Variants in EPB41 observed in about 807,000 individuals in gnomAD.
EPB41 encodes erythrocyte membrane protein band 4.1, also known as protein 4.1.
EPB41 carries 65 observed loss-of-function variants against 108.0 expected under a neutral mutation model. The ratio of observed to expected loss-of-function variants is 0.60; its 90% CI spans 0.49 to 0.74. The LOEUF (loss-of-function observed/expected upper bound fraction) is 0.74. Ranked by LOEUF, EPB41 falls within the 30% of genes least tolerant of loss-of-function variation. The probability of loss-of-function intolerance (pLI) is 0.00; values close to 1 mark genes in which losing one functional copy is unlikely to be tolerated. For missense variants in EPB41, 875 were observed against 1,037.0 expected (o/e 0.84, Z 2.15); for synonymous variants, 336 against 358.9 (o/e 0.94, Z 0.72).
At chr1:28,972,843 A>G (rs1281753674) in intron 1 of EPB41, among the ~76,000 whole-genome samples, 4 of 152,074 alleles carry the variant, frequency 2.6e-5, no homozygotes, top group East Asian at 1.9e-4. Context: ...GGCTCAAGCA[A>G]TCCTCCCACC....
intron 10 of EPB41, among the ~76,000 whole-genome samples, chr1:29,038,648 C>T (rs1313101060): frequency 6.6e-6 from 1 of 152,144 alleles, no homozygotes; most frequent in Non-Finnish European, 1.5e-5. Flanking sequence ...TTCTTTACTC[C>T]TAGAGAATTC....
intron 1 of EPB41, among the ~76,000 whole-genome samples, chr1:28,960,201 G>T (rs2095145188): frequency 6.6e-6 from 1 of 150,970 alleles, no homozygotes; most frequent in Admixed American, 6.6e-5. Context: ...TAGAGGTGGG[G>T]CGTCTCATCA....
At chr1:28,899,600 C>T (rs1405846243) in intron 1 of EPB41, among the ~76,000 whole-genome samples, 1 of 152,134 alleles carries the variant, frequency 6.6e-6, no homozygotes, top group East Asian at 1.9e-4. Flanking sequence ...AACTTGGAAC[C>T]ATCCTCGGGA....
intron 11 of EPB41, among the ~76,000 whole-genome samples, chr1:29,048,188 A>C (rs1643864894): frequency 6.6e-6 from 1 of 152,022 alleles, no homozygotes; most frequent in East Asian, 1.9e-4. Flanking sequence ...TATTATATAT[A>C]GTTTAACTCA....
rs112225341 is a variant in EPB41, at chr1:28,994,917, C to T, written c.681+1375C>T. On this transcript the variant is annotated intron_variant, in intron 3 of 20. Transcript: ENST00000343067. ...TCAAGCGATCTGCCTGCCTCAGCCT[C>T]CCAAAGTACTAAGATTATAGGCATG... Among the ~76,000 whole-genome samples, 848 of 113,118 alleles carry T rather than the reference C, an allele frequency of 7.5e-3. 3 individuals carry two copies. The highest frequency in any genetic ancestry group is 0.028 in the African/African-American group (797 of 28,014). 74.2% of individuals were successfully genotyped at this position (113,118 alleles called of 152,430 possible).
intron 1 of EPB41, among the ~76,000 whole-genome samples, chr1:28,965,165 G>C (rs1320493133): frequency 6.6e-6 from 1 of 152,004 alleles, no homozygotes; most frequent in African/African-American, 2.4e-5. Context: ...TTGAATTAGT[G>C]AATAGGTTTT....
At chr1:29,110,343 A>G (rs1668745603) in intron 18 of EPB41, among the ~76,000 whole-genome samples, 1 of 152,042 alleles carries the variant, frequency 6.6e-6, no homozygotes, top group Non-Finnish European at 1.5e-5. Flanking sequence ...AGACCCTAAA[A>G]CCTATCTCTG....
In EPB41 at chr1:29,030,312, G is replaced by A. The variant is rs576701776; in HGVS notation, c.1125-88G>A. On this transcript the variant is annotated intron_variant, in intron 7 of 20. Transcript: ENST00000343067. The stretch of plus-strand genomic sequence containing the variant: ...AATATAGTGGTATGTATATGTTCAT[G>A]TGTTTAAAATACAGTGAATATATAA... 2.4e-5 allele frequency: 24 copies of A among 1,013,284 alleles called. No homozygotes were observed. In the East Asian group the frequency reaches 5.7e-4, roughly 24 times the overall value. 62.8% of individuals were successfully genotyped at this position (1,013,284 alleles called of 1,614,324 possible).
intron 1 of EPB41, among the ~76,000 whole-genome samples, chr1:28,928,213 C>G (rs2093558459): frequency 6.6e-6 from 1 of 152,024 alleles, no homozygotes; most frequent in Non-Finnish European, 1.5e-5. Flanking sequence ...ACTTGACCCA[C>G]AACACATATG....
At chr1:29,091,995 A>G (rs1161876495) in intron 16 of EPB41, among the ~76,000 whole-genome samples, 1 of 150,874 alleles carries the variant, frequency 6.6e-6, no homozygotes, top group African/African-American at 2.4e-5. Context: ...AGCAGCAGTG[A>G]TTTTCCTAAT....
chr1:28,982,274 G>A (rs1446668306), intron 1 of EPB41: 1 of 525,906 alleles, frequency 1.9e-6, no homozygotes, highest in Non-Finnish European at 3.6e-6. Context: ...CCAAAACAAA[G>A]CATCTAAAAC....
rs575335463 is a variant in EPB41 at position 29,047,794 on chromosome 1, G to GTATT, written c.1637-5304_1637-5301dup. On this transcript the variant is annotated intron_variant, in intron 11 of 20. Coordinates refer to ENST00000343067, the MANE Select transcript of EPB41 (RefSeq NM_001376013.1). ...TGTATGTATGTATGTATGTATGTATGTATTTATTTTTGAGGTGGAGTTTCA... is the reference window on the plus strand; with the variant it reads ...TGTATGTATGTATGTATGTATGTATGTATTTATTTATTTTTGAGGTGGAGTTTCA... Among the ~76,000 whole-genome samples, 969 of 151,628 alleles carry GTATT rather than the reference G, an allele frequency of 6.4e-3. 10 individuals are homozygous for GTATT. Among genetic ancestry groups the GTATT allele is most frequent in the South Asian group, 0.015 (71 of 4,766 alleles).
At chr1:29,004,016 C>G (rs2096354298) in intron 4 of EPB41, among the ~76,000 whole-genome samples, 1 of 152,200 alleles carries the variant, frequency 6.6e-6, no homozygotes, top group Admixed American at 6.5e-5. Flanking sequence ...AACTGCCTTG[C>G]CTCGCAAAGT....
At chr1:29,009,734 A>AG (rs2096467575) in intron 4 of EPB41, among the ~76,000 whole-genome samples, 1 of 152,182 alleles carries the variant, frequency 6.6e-6, no homozygotes, top group African/African-American at 2.4e-5. Flanking sequence ...CACCCAGGTC[A>AG]CGCCTTTCTG....
rs576564590 is a variant in EPB41 at position 29,090,363 on chromosome 1, G to A, written c.2185-7444G>A. Among the ~76,000 whole-genome samples the A allele has an allele frequency of 7.2e-5, 11 of 152,238 alleles. No homozygotes were observed. The South Asian group carries it at 2.1e-3, about 29-fold the overall frequency. On this transcript the variant is annotated intron_variant, in intron 16 of 20. Transcript: ENST00000343067. ...GATGACATAATCTCTGGGGGTTAGC[G>A]GATAAATGTAAGGAAGAAGTTGAAG...
At chr1:29,032,607 CAT>C (rs1237859721) in intron 8 of EPB41, among the ~76,000 whole-genome samples, 2 of 152,090 alleles carry the variant, frequency 1.3e-5, no homozygotes, top group African/African-American at 4.8e-5. Context: ...GAATTATAGA[CAT>C]AGATGATTAA....
chr1:28,982,292 T>G (rs2095770523), intron 1 of EPB41: 1 of 565,726 alleles, frequency 1.8e-6, no homozygotes, highest in African/African-American at 1.9e-5. Flanking sequence ...AACCACAGCT[T>G]CTGGAAGAAC....
chr1:29,068,329 T>C (rs1649438140), intron 16 of EPB41, among the ~76,000 whole-genome samples: 1 of 152,246 alleles, frequency 6.6e-6, no homozygotes, highest in South Asian at 2.1e-4. Context: ...CTTGGTCCTC[T>C]CTTGGATGAG....
intron 7 of EPB41, among the ~76,000 whole-genome samples, chr1:29,025,391 G>A (rs1039199602): frequency 2.6e-5 from 4 of 151,826 alleles, no homozygotes; most frequent in Admixed American, 1.3e-4. Context: ...AACCAGTGCC[G>A]GAGCTTCCTG....
Sources: allele counts gnomAD v4.1 joint callset (sites outside exome capture counted in the v4.1 genomes callset), GRCh38; gene constraint gnomAD v4.1.1; transcripts MANE v1.5; gene names NCBI Gene and HGNC (gene_info 2026-07-23, HGNC 2026-07-21).